Variants in CCDC144A observed in about 807,000 individuals in gnomAD.
The protein encoded by CCDC144A is coiled-coil domain containing 144A, also known as coiled-coil domain-containing protein 144A.
In CCDC144A, 41 loss-of-function variants were observed where a neutral mutation model predicts 143.8. The observed-to-expected ratio is 0.29, with a 90% CI of 0.22 to 0.37. CCDC144A has a LOEUF of 0.37. Ranked by LOEUF, CCDC144A falls within the 10% of genes least tolerant of loss-of-function variation. CCDC144A has a pLI of 1.00. For missense variants in CCDC144A, 637 were observed against 1,488.8 expected, an observed-to-expected ratio of 0.43 and a Z score of 9.41; for synonymous variants, 242 against 517.9, an observed-to-expected ratio of 0.47 and a Z score of 7.23.
upstream of CCDC144A, among the ~76,000 whole-genome samples, chr17:16,688,151 CTG>C (rs1910846890): frequency 6.6e-6 from 1 of 151,952 alleles, no homozygotes; most frequent in Non-Finnish European, 1.5e-5. Flanking sequence ...TAAACTGAGT[CTG>C]TTTTCAGACC....
intron 8 of CCDC144A, among the ~76,000 whole-genome samples, chr17:16,724,670 C>T (rs1014407157): frequency 6.6e-5 from 10 of 151,552 alleles, no homozygotes; most frequent in Non-Finnish European, 1.2e-4. Context: ...AAGTGATATT[C>T]AAATCTCAGA....
upstream of CCDC144A, among the ~76,000 whole-genome samples, chr17:16,685,395 T>G (rs182498561): frequency 1.3e-4 from 20 of 152,188 alleles, no homozygotes; most frequent in Non-Finnish European, 2.6e-4. Context: ...TTTGGTTTTG[T>G]TTTTGAGATA....
intron 15 of CCDC144A, among the ~76,000 whole-genome samples, chr17:16,770,091 G>T (rs1228839724): frequency 1.3e-5 from 2 of 151,878 alleles, no homozygotes; most frequent in African/African-American, 2.4e-5. Context: ...CTCCCAAAGT[G>T]CTGAGATTAC....
intron 15 of CCDC144A, among the ~76,000 whole-genome samples, chr17:16,768,800 A>T (rs547960103): frequency 1.3e-5 from 2 of 151,512 alleles, no homozygotes; most frequent in Non-Finnish European, 2.9e-5. Flanking sequence ...CTTTAAAAAA[A>T]TTTTCTAACT....
intron 12 of CCDC144A, among the ~76,000 whole-genome samples, chr17:16,752,422 G>A (rs1281895935): frequency 1.3e-5 from 2 of 152,194 alleles, no homozygotes; most frequent in African/African-American, 4.8e-5. Context: ...CTCCCACACT[G>A]ACATATGAAC....
At chr17:16,667,169 CG>C in the CCDC144A span, 3 of 169,002 alleles carry the variant, frequency 1.8e-5, no homozygotes, top group South Asian at 3.2e-4. Flanking sequence ...CGCTGGACCC[CG>C]CTGGGCAGCG....
intron 12 of CCDC144A, among the ~76,000 whole-genome samples, chr17:16,737,094 A>C (rs1287438295): frequency 2.0e-5 from 3 of 151,162 alleles, no homozygotes; most frequent in Non-Finnish European, 4.4e-5. Context: ...GAATGTGTGC[A>C]CATGAGGAAA....
chr17:16,728,156 A>G (rs2621575), intron 9 of CCDC144A, among the ~76,000 whole-genome samples: 1,959 of 152,126 alleles, frequency 0.013, 48 homozygotes, highest in African/African-American at 0.045. Flanking sequence ...CTGCCTCAGC[A>G]TCCTAAGTAG....
chr17:16,722,981 T>C (rs1913181595), intron 8 of CCDC144A, among the ~76,000 whole-genome samples: 2 of 152,232 alleles, frequency 1.3e-5, no homozygotes, highest in Admixed American at 6.5e-5. Context: ...TGTAATATCA[T>C]TGTCAGACTT....
In CCDC144A at chr17:16,690,701, G is replaced by A. The variant is rs202033635; in HGVS notation, c.301G>A (p.Ala101Thr). The A allele has an allele frequency of 1.4e-3, 2,263 of 1,613,186 alleles. 55 individuals are homozygous for A. In the South Asian group the frequency reaches 0.023, roughly 17 times the overall value. ...GDVPGVEHIL[A>T]PGDTGVDKRD... ...CGTCCCTGGGGTGGAGCACATCTTA[G>A]CTCCTGGAGACACTGGCGTGGACAA... The change falls in exon 1 of 17, where the codon GCT (alanine) becomes ACT (threonine). Residue 101 changes from alanine to threonine, a missense_variant. Transcript: ENST00000399273.
intron 9 of CCDC144A, among the ~76,000 whole-genome samples, chr17:16,728,053 C>T (rs1403482675): frequency 3.3e-5 from 5 of 151,946 alleles, no homozygotes; most frequent in Admixed American, 6.6e-5. Flanking sequence ...CATCTTTTAT[C>T]GTTACTATTA....
chr17:16,771,439 G>A (rs1915820168), intron 15 of CCDC144A, among the ~76,000 whole-genome samples: 1 of 152,240 alleles, frequency 6.6e-6, no homozygotes, highest in African/African-American at 2.4e-5. Context: ...TTAATCTTTT[G>A]CCAGTGGAAC....
chr17:16,686,753 C>A (rs1910798164), upstream of CCDC144A, among the ~76,000 whole-genome samples: 2 of 110,912 alleles, frequency 1.8e-5, no homozygotes, highest in Middle Eastern at 4.6e-3. Flanking sequence ...CACAAACACA[C>A]ACACACACAC....
At chr17:16,715,322 AAAAG>A (rs57284410) in intron 6 of CCDC144A, among the ~76,000 whole-genome samples, 8,421 of 150,948 alleles carry the variant, frequency 0.056, 764 homozygotes, top group African/African-American at 0.19. Flanking sequence ...AAAAAAAAAA[AAAAG>A]AAAGAAAGAA....
chr17:16,745,032 T>A (rs1384214255), intron 12 of CCDC144A, among the ~76,000 whole-genome samples: 1 of 152,072 alleles, frequency 6.6e-6, no homozygotes, highest in Admixed American at 6.5e-5. Context: ...AAACCATTTT[T>A]ATCTGGTCAG....
Position 16,727,741 on chromosome 17 carries a change from G to T in CCDC144A, c.2105+1G>T. 1 of 1,599,316 alleles carries T rather than the reference G, an allele frequency of 6.3e-7. No homozygotes were observed. Among genetic ancestry groups the T allele is most frequent in the Non-Finnish European group, 8.5e-7 (1 of 1,174,040 alleles). On this transcript the variant is annotated splice_donor_variant, in intron 9 of 16. Coordinates refer to ENST00000399273, the MANE Select transcript of CCDC144A (RefSeq NM_001382000.1). LOFTEE classifies it high-confidence loss of function. The stretch of plus-strand genomic sequence containing the variant: ...GGGAGAAAGAGCTGTACGATTTGAG[G>T]TATGATGTTCTAGTTCTAAAGAAAT...
chr17:16,752,027 C>T (rs1338597997), intron 12 of CCDC144A, among the ~76,000 whole-genome samples: 1 of 152,170 alleles, frequency 6.6e-6, no homozygotes, highest in African/African-American at 2.4e-5. Context: ...CAGGTTACAC[C>T]CTTCCTGGAC....
intron 9 of CCDC144A, among the ~76,000 whole-genome samples, chr17:16,729,869 T>TATATAAA (rs1567597573): frequency 8.6e-6 from 1 of 116,616 alleles, no homozygotes; most frequent in Non-Finnish European, 1.7e-5. Context: ...AAAAAAAAAA[T>TATATAAA]ATATATATAT....
intron 15 of CCDC144A, chr17:16,766,041 G>T (rs943378866): frequency 1.3e-5 from 2 of 152,360 alleles, no homozygotes; most frequent in African/African-American, 4.8e-5. Context: ...GGTGGTTGGG[G>T]CACAGCTTGG....
Sources: gnomAD v4.1 joint callset for allele counts (sites outside exome capture counted in the v4.1 genomes callset) on GRCh38, gnomAD v4.1.1 for gene constraint, MANE v1.5 for transcripts, NCBI Gene and HGNC (gene_info 2026-07-23, HGNC 2026-07-21) for gene names.